LY75: variants seen among roughly 807,000 people sequenced by gnomAD.
LY75 encodes C-type lectin domain family 13 member B.
Under a neutral mutation model 231.7 loss-of-function variants are expected in LY75, and 185 were observed. The ratio of observed to expected loss-of-function variants is 0.80; its 90% CI spans 0.71 to 0.90. LY75 has a LOEUF of 0.90. Ranked by LOEUF, LY75 falls within the 40% of genes least tolerant of loss-of-function variation. The pLI, the probability that LY75 is intolerant of heterozygous loss-of-function variation, is 0.00. For synonymous variants in LY75, 668 were observed against 689.0 expected (o/e 0.97, Z 0.48); for missense variants, 1,947 against 2,050.2 (o/e 0.95, Z 0.97).
intron 28 of LY75, among the ~76,000 whole-genome samples, chr2:159,827,073 CA>C (rs1463661374): frequency 6.6e-6 from 1 of 152,122 alleles, no homozygotes; most frequent in Non-Finnish European, 1.5e-5. Flanking sequence ...TCTAAAACAC[CA>C]AAAGCAACGG....
At chr2:159,882,103 A>G in intron 7 of LY75, 21 bp downstream of exon 7, 4 of 1,602,816 alleles carry the variant, frequency 2.5e-6, no homozygotes, top group Non-Finnish European at 3.4e-6. Context: ...CCTCTCAAAT[A>G]GGGTATTTTT....
Position 159,886,439 on chromosome 2 carries a change from G to A in LY75, c.894C>T (p.Asn298=). The A allele has an allele frequency of 6.2e-7, 1 of 1,609,618 alleles. No homozygotes were observed. The highest frequency in any genetic ancestry group is 8.5e-7 in the Non-Finnish European group (1 of 1,177,204). The part of the protein sequence containing the change: ...GWEWSDHKPL[N]FLNWDPDRPS... Reference sequence around the variant, plus strand: ...AGTTACCTGGATCCCAGTTGAGAAAGTTTAATGGTTTGTGGTCTGACCATT... The same window carrying A: ...AGTTACCTGGATCCCAGTTGAGAAAATTTAATGGTTTGTGGTCTGACCATT... The change falls in exon 5 of 35, where the codon AAC becomes AAT. Residue 298 remains asparagine, a synonymous_variant. Coordinates refer to ENST00000263636, the MANE Select transcript of LY75 (RefSeq NM_002349.4).
rs779851460 is a variant in LY75 at position 159,810,592 on chromosome 2, G to A, written c.4633C>T (p.His1545Tyr). The A allele has an allele frequency of 1.9e-6, 3 of 1,614,014 alleles. No individual in the cohort carries two copies. The highest frequency in any genetic ancestry group is 3.3e-5 in the Admixed American group (2 of 60,006). ...AATGCCTGATCAGACTTGTAACAGT[G>A]ACCCTTGTACTGGATCCACCGTGAC... ...NGSRWIQYKG[H>Y]CYKSDQALHS... The change falls in exon 32 of 35, where the codon CAC becomes TAC. Residue 1545 changes from histidine (H) to tyrosine (Y), a missense_variant. Transcript: ENST00000263636.
Position 159,853,645 on chromosome 2 carries a change from T to C in LY75, c.2648A>G (p.Asp883Gly). 1 of 1,613,528 alleles carries C rather than the reference T, an allele frequency of 6.2e-7. No homozygotes were observed. The highest frequency in any genetic ancestry group is 8.5e-7 in the Non-Finnish European group (1 of 1,179,824). Residue 883 changes from aspartate to glycine, a missense_variant, in exon 19 of 35, where the codon GAT (aspartate) becomes GGT (glycine). Physicochemically the swap from Asp to Gly is moderately conservative, Grantham distance 94 (BLOSUM62 -1). Transcript: ENST00000263636. ...WWIRISEWPI[D>G]DHFTYSRYPW... ...TGTCACCTACTATGTAAAATGATCA[T>C]CTATTGGCCACTCGCTAATTCTTAT...
Position 159,890,378 on chromosome 2 carries a change from C to G in LY75, c.638-1G>C, listed in dbSNP as rs1309166399. On this transcript the variant is annotated splice_acceptor_variant, in intron 3 of 34. Coordinates refer to ENST00000263636, the MANE Select transcript of LY75 (RefSeq NM_002349.4). LOFTEE classifies it high-confidence loss of function. ...TCCCAATTATCTTCACAACCGTTTT[C>G]TGTTGATAAAGACACGTTAGTGATC... 5 of 1,612,748 alleles carry G rather than the reference C, an allele frequency of 3.1e-6. No homozygotes were observed. The highest frequency in any genetic ancestry group is 1.7e-5 in the Admixed American group (1 of 59,902).
At chr2:159,875,699 T>G in intron 11 of LY75, 56 bp from the exon 12 acceptor site, 1 of 1,597,814 alleles carries the variant, frequency 6.3e-7, no homozygotes, top group Middle Eastern at 1.9e-4. Context: ...TTCAAACATT[T>G]TCTAGTGTTT....
chr2:159,828,421 C>G (rs1237743077), intron 28 of LY75, among the ~76,000 whole-genome samples: 2 of 151,990 alleles, frequency 1.3e-5, no homozygotes, highest in East Asian at 3.8e-4. Flanking sequence ...ATATCATTAG[C>G]CATTAGGGAA....
At chr2:159,903,564 G>T (rs910584774) in intron 1 of LY75, 1 of 152,254 alleles carries the variant, frequency 6.6e-6, no homozygotes, top group Admixed American at 6.5e-5. Context: ...TCTTCCCATC[G>T]CTCTCCGAAG....
intron 23 of LY75, among the ~76,000 whole-genome samples, chr2:159,843,960 T>G (rs11677193): frequency 0.15 from 23,376 of 152,030 alleles, 2,128 homozygotes; most frequent in East Asian, 0.35. Flanking sequence ...AAGGAATAAT[T>G]AAAATTTTTT....
chr2:159,889,419 C>T (rs545342470), intron 4 of LY75, among the ~76,000 whole-genome samples: 14 of 151,934 alleles, frequency 9.2e-5, no homozygotes, highest in Admixed American at 6.6e-4. Flanking sequence ...TTTGTAGAGA[C>T]GTGGTCTCAC....
At chr2:159,814,764 CAT>C (rs1236177362) in intron 31 of LY75, among the ~76,000 whole-genome samples, 2 of 151,782 alleles carry the variant, frequency 1.3e-5, no homozygotes, top group African/African-American at 2.4e-5. Context: ...CGGTAAATCA[CAT>C]GAGGTGTTCC....
chr2:159,844,343 A>T (rs1348728909), intron 23 of LY75, among the ~76,000 whole-genome samples: 2 of 135,790 alleles, frequency 1.5e-5, no homozygotes, highest in Admixed American at 1.5e-4. Flanking sequence ...AAAAAAAAAA[A>T]CTATATGGCA....
intron 27 of LY75, among the ~76,000 whole-genome samples, chr2:159,832,459 C>T (rs1560071655): frequency 6.6e-6 from 1 of 152,184 alleles, no homozygotes; most frequent in African/African-American, 2.4e-5. Flanking sequence ...ATCCACCCCT[C>T]CCTGTCAGTG....
In LY75 at chr2:159,882,132, T is replaced by C. The variant is rs763772036; in HGVS notation, c.1238A>G (p.His413Arg). 1.2e-6 allele frequency: 2 copies of C among 1,612,524 alleles called. No individual in the cohort carries two copies. Among genetic ancestry groups the C allele is most frequent in the Non-Finnish European group, 1.7e-6 (2 of 1,179,290 alleles). ...TATTTTTAAAAACTTACCCTCATTATGGAGTTTTGTGACAACCACCTCCAC... is the reference window on the plus strand; with the variant it reads ...TATTTTTAAAAACTTACCCTCATTACGGAGTTTTGTGACAACCACCTCCAC... ...ADVEVVVTKL[H>R]NEDIKEEVWI... The change falls in exon 7 of 35, where the codon CAT becomes CGT. Residue 413 changes from histidine (H) to arginine (R), a missense_variant. Physicochemically the swap from His to Arg is conservative, Grantham distance 29. Transcript: ENST00000263636.
At chr2:159,873,525 G>C (rs1376461309) in intron 12 of LY75, among the ~76,000 whole-genome samples, 1 of 152,126 alleles carries the variant, frequency 6.6e-6, no homozygotes, top group Admixed American at 6.6e-5. Context: ...CAGCTGACCT[G>C]AAGTTGGGAG....
chr2:159,883,315 T>C lies in LY75; in HGVS notation c.1055-1000A>G, dbSNP rs879753572. Among the ~76,000 whole-genome samples, 45 of 152,208 alleles carry C rather than the reference T, an allele frequency of 3.0e-4. 1 individual carries two copies. Among genetic ancestry groups the C allele is most frequent in the Admixed American group, 1.6e-3 (24 of 15,272 alleles). Reference sequence around the variant, plus strand: ...AAAAGAAAAAAAAATGTGGACAGTTTGTTTTTTTTACTAAAGGATAAAGTG... The same window carrying C: ...AAAAGAAAAAAAAATGTGGACAGTTCGTTTTTTTTACTAAAGGATAAAGTG... On this transcript the variant is annotated intron_variant, in intron 6 of 34. Coordinates refer to ENST00000263636, the MANE Select transcript of LY75 (RefSeq NM_002349.4).
At chr2:159,855,265 G>T (rs1388574254) in intron 16 of LY75, among the ~76,000 whole-genome samples, 1 of 152,180 alleles carries the variant, frequency 6.6e-6, no homozygotes, top group Non-Finnish European at 1.5e-5. Context: ...AGTAAATAAT[G>T]ATATTGTATG....
chr2:159,879,826 T>C (rs1287238607), intron 8 of LY75, among the ~76,000 whole-genome samples: 2 of 152,184 alleles, frequency 1.3e-5, no homozygotes, highest in African/African-American at 2.4e-5. Context: ...GGTCAAAAGT[T>C]TCTTTCAACT....
At chr2:159,886,110 ACATGC>A (rs1418058208) in intron 5 of LY75, among the ~76,000 whole-genome samples, 11 of 152,276 alleles carry the variant, frequency 7.2e-5, no homozygotes, top group African/African-American at 2.6e-4. Flanking sequence ...TGAGTTATAG[ACATGC>A]CAAGTCCTTT....
Sources: allele counts gnomAD v4.1 joint callset (sites outside exome capture counted in the v4.1 genomes callset), GRCh38; gene constraint gnomAD v4.1.1; transcripts MANE v1.5; gene names NCBI Gene and HGNC (gene_info 2026-07-23, HGNC 2026-07-21).